CDH5: variants seen among roughly 807,000 people sequenced by gnomAD.
CDH5 encodes the protein cadherin 5.
Under a neutral mutation model 62.0 loss-of-function variants are expected in CDH5, and 28 were observed. That is an observed-to-expected ratio of 0.45 (90% CI 0.33 to 0.62). CDH5 has a LOEUF of 0.62. Ranked by LOEUF, CDH5 falls within the 20% of genes least tolerant of loss-of-function variation. The pLI, the probability that CDH5 is intolerant of heterozygous loss-of-function variation, is 0.02. For synonymous variants in CDH5, 464 were observed against 445.8 expected, an observed-to-expected ratio of 1.04 and a Z score of -0.52; for missense variants, 940 against 1,065.1, an observed-to-expected ratio of 0.88 and a Z score of 1.63.
At chr16:66,390,324 T>G (rs751297918) in intron 5 of CDH5, 79 bp from the exon 6 acceptor site, 10 of 1,078,252 alleles carry the variant, frequency 9.3e-6, no homozygotes, top group Non-Finnish European at 1.3e-5. Context: ...TATCAAAATA[T>G]GTTAGAATAG....
chr16:66,379,801 A>G (rs1960855208), intron 2 of CDH5, among the ~76,000 whole-genome samples: 1 of 149,432 alleles, frequency 6.7e-6, no homozygotes, highest in Admixed American at 6.6e-5. Context: ...TGGTGGTGGG[A>G]GTGGTGAGAA....
At chr16:66,394,466 T>C (rs1238592662) in intron 7 of CDH5, among the ~76,000 whole-genome samples, 1 of 152,180 alleles carries the variant, frequency 6.6e-6, no homozygotes, top group Non-Finnish European at 1.5e-5. Context: ...TTGATATGTT[T>C]GATGTTCCTT....
chr16:66,386,266 CTT>C (rs1288866509), intron 2 of CDH5, among the ~76,000 whole-genome samples: 3 of 141,256 alleles, frequency 2.1e-5, no homozygotes, highest in African/African-American at 2.6e-5. Context: ...GTCAGAGGTT[CTT>C]TTTTTTTTTT....
intron 8 of CDH5, among the ~76,000 whole-genome samples, chr16:66,397,621 A>G (rs568251171): frequency 6.6e-6 from 1 of 152,136 alleles, no homozygotes; most frequent in Non-Finnish European, 1.5e-5. Context: ...TACTGACCCA[A>G]TCTCACTTAG....
At position 66,386,979 on chromosome 16, in the gene CDH5, T is replaced by C. The variant is rs1324385506; in HGVS notation, c.381T>C (p.Thr127=). 6.2e-7 allele frequency: 1 copy of C among 1,614,064 alleles called. No homozygotes were observed. Among genetic ancestry groups the C allele is most frequent in the Non-Finnish European group, 8.5e-7 (1 of 1,180,046 alleles). ...HLTAVIVDKD[T]GENLETPSSF... ...CTGCTGTCATTGTGGACAAGGACACTGGCGAAAACCTGGAGACTCCTTCCA... is the reference window on the plus strand; with the variant it reads ...CTGCTGTCATTGTGGACAAGGACACCGGCGAAAACCTGGAGACTCCTTCCA... The change falls in exon 3 of 12, where the codon ACT becomes ACC. Residue 127 remains threonine, a synonymous_variant. Transcript: ENST00000341529.
intron 1 of CDH5, chr16:66,377,514 G>C (rs1960807396): frequency 6.6e-6 from 1 of 152,290 alleles, no homozygotes; most frequent in South Asian, 2.1e-4. Context: ...CCTGAGGTCA[G>C]CCTGGCGCCA....
intron 10 of CDH5, among the ~76,000 whole-genome samples, chr16:66,399,522 A>G (rs1340356776): frequency 6.6e-6 from 1 of 152,210 alleles, no homozygotes; most frequent in Admixed American, 6.5e-5. Flanking sequence ...TGAGGGATCA[A>G]CCACAGACCA....
In CDH5 at chr16:66,396,198, A is replaced by C; in HGVS notation, c.1357A>C (p.Thr453Pro). Residue 453 changes from threonine (T) to proline (P), a missense_variant, in exon 8 of 12, where the codon ACT becomes CCT. By Grantham distance (38) the Thr-to-Pro change is conservative (BLOSUM62 -1). Transcript: ENST00000341529. ...TGTGGAGGCCAAAGAACTGGATTCC[A>C]CTGGTGAGTGGCCACATCTGCCAGG... ...LTVEAKELDS[T>P]GTPTGKESIV... 1 of 1,614,138 alleles carries C rather than the reference A, an allele frequency of 6.2e-7. No individual in the cohort carries two copies. Among genetic ancestry groups the C allele is most frequent in the Non-Finnish European group, 8.5e-7 (1 of 1,180,002 alleles).
At chr16:66,370,366 G>A (rs1175090242) in intron 1 of CDH5, among the ~76,000 whole-genome samples, 1 of 151,970 alleles carries the variant, frequency 6.6e-6, no homozygotes, top group Non-Finnish European at 1.5e-5. Flanking sequence ...TGGTCTTTTG[G>A]GCAGTCCCAT....
Position 66,387,013 on chromosome 16 carries a change from A to G in CDH5, c.415A>G (p.Ile139Val), listed in dbSNP as rs1210904386. Residue 139 changes from isoleucine (I) to valine (V), a missense_variant, in exon 3 of 12, where the codon ATC (isoleucine) becomes GTC (valine). By Grantham distance (29) the Ile-to-Val change is conservative (BLOSUM62 3). Transcript: ENST00000341529. ...CCTGGAGACTCCTTCCAGCTTCACC[A>G]TCAAAGTTCATGACGTGAACGACAA... is the stretch of plus-strand genomic sequence containing the variant. ...ENLETPSSFT[I>V]KVHDVNDNWP... 14 of 1,614,064 alleles carry G rather than the reference A, an allele frequency of 8.7e-6. No homozygotes were observed. Among genetic ancestry groups the G allele is most frequent in the Non-Finnish European group, 1.2e-5 (14 of 1,180,054 alleles).
intron 3 of CDH5, among the ~76,000 whole-genome samples, chr16:66,387,872 GCCAGAAAAGAGCTT>G (rs1402538059): frequency 6.6e-6 from 1 of 152,174 alleles, no homozygotes; most frequent in Non-Finnish European, 1.5e-5. Context: ...TCCAGAGGGT[GCCAGAAAAGAGCTT>G]CCCTCTTCAG....
At chr16:66,400,475 G>A (rs888339454) in intron 10 of CDH5, among the ~76,000 whole-genome samples, 5 of 152,230 alleles carry the variant, frequency 3.3e-5, no homozygotes, top group African/African-American at 1.2e-4. Flanking sequence ...GTGGGGTTAG[G>A]GAAGAGGAAG....
chr16:66,388,070 C>A (rs1401008463), intron 3 of CDH5, among the ~76,000 whole-genome samples: 1 of 152,252 alleles, frequency 6.6e-6, no homozygotes, highest in East Asian at 1.9e-4. Context: ...CCTCCGCCCC[C>A]TCCCTCATTT....
chr16:66,383,286 G>A (rs1210800952), intron 2 of CDH5, among the ~76,000 whole-genome samples: 1 of 152,002 alleles, frequency 6.6e-6, no homozygotes, highest in African/African-American at 2.4e-5. Context: ...ATCCGTATTG[G>A]TCCATTAATT....
chr16:66,379,539 G>A lies in CDH5; in HGVS notation c.202G>A (p.Val68Ile). 2 of 1,614,110 alleles carry A rather than the reference G, an allele frequency of 1.2e-6. No individual in the cohort carries two copies. Among genetic ancestry groups the A allele is most frequent in the African/African-American group, 1.3e-5 (1 of 75,042 alleles). ...EEKNTSLPHH[V>I]GKIKSSVSRK... is the part of the protein sequence containing the mutation. ...GAAAAACACCTCACTTCCCCATCAT[G>A]TAGGCAAGGTAAGGCTCAAGCCCCA... Residue 68 changes from valine (V) to isoleucine (I), a missense_variant, in exon 2 of 12, where the codon GTA (valine) becomes ATA (isoleucine). By Grantham distance (29) the Val-to-Ile change is conservative. Transcript: ENST00000341529.
At chr16:66,371,815 C>G (rs1960697236) in intron 1 of CDH5, among the ~76,000 whole-genome samples, 1 of 152,130 alleles carries the variant, frequency 6.6e-6, no homozygotes, top group Non-Finnish European at 1.5e-5. Flanking sequence ...CTGGACCAGC[C>G]CATTGAGGGG....
Position 66,392,328 on chromosome 16 carries a change from C to A in CDH5, c.1162C>A (p.Pro388Thr). The change falls in exon 7 of 12, where the codon CCT (proline) becomes ACT (threonine). Residue 388 changes from proline (P) to threonine (T), a missense_variant. By Grantham distance (38) the Pro-to-Thr change is conservative. Transcript: ENST00000341529. Reference sequence around the variant, plus strand: ...CCAGCTGAAGGAAAACCAGAAGAAGCCTCTGATTGGCACAGTGCTGGCCAT... The same window carrying A: ...CCAGCTGAAGGAAAACCAGAAGAAGACTCTGATTGGCACAGTGCTGGCCAT... Reference protein sequence around the residue: ...HFQLKENQKKPLIGTVLAMDP... With the variant: ...HFQLKENQKKTLIGTVLAMDP... The A allele has an allele frequency of 6.2e-7, 1 of 1,614,134 alleles. No homozygotes were observed. Among genetic ancestry groups the A allele is most frequent in the Non-Finnish European group, 8.5e-7 (1 of 1,180,018 alleles).
rs559114406 is a variant in CDH5, at chr16:66,370,876, G to T, written c.-20+4118G>T. 1.8e-3 allele frequency among the ~76,000 whole-genome samples: 279 copies of T among 152,344 alleles called. 2 individuals carry two copies. The highest frequency in any genetic ancestry group is 6.5e-3 in the African/African-American group (269 of 41,578). ...CTAGCTCTCCTCGAGGCTGGAAGGGGCAGGGAAGTGGAGGAGAGGAGAGCT... is the reference window on the plus strand; with the variant it reads ...CTAGCTCTCCTCGAGGCTGGAAGGGTCAGGGAAGTGGAGGAGAGGAGAGCT... On this transcript the variant is annotated intron_variant, in intron 1 of 11. Coordinates refer to ENST00000341529, the MANE Select transcript of CDH5 (RefSeq NM_001795.5).
rs185417086 is a variant in CDH5, at chr16:66,391,783, G to C, written c.970-353G>C. Reference sequence around the variant, plus strand: ...AGCAATATTCTGTCTCAAGAACAAAGAAAAAGCCTGTCCTTAAGGACCTGT... The same window carrying C: ...AGCAATATTCTGTCTCAAGAACAAACAAAAAGCCTGTCCTTAAGGACCTGT... On this transcript the variant is annotated intron_variant, in intron 6 of 11. Coordinates refer to ENST00000341529, the MANE Select transcript of CDH5 (RefSeq NM_001795.5). 7.8e-3 allele frequency among the ~76,000 whole-genome samples: 1,183 copies of C among 152,254 alleles called. 14 individuals carry two copies. Among genetic ancestry groups the C allele is most frequent in the South Asian group, 0.039 (186 of 4,824 alleles).
Sources: gnomAD v4.1 joint callset for allele counts (sites outside exome capture counted in the v4.1 genomes callset) on GRCh38, gnomAD v4.1.1 for gene constraint, MANE v1.5 for transcripts, NCBI Gene and HGNC (gene_info 2026-07-23, HGNC 2026-07-21) for gene names.